The following HS3ST5 variants were observed in gnomAD, a reference collection of about 807,000 sequenced individuals.
HS3ST5 encodes heparan sulfate glucosamine 3-O-sulfotransferase 5.
HS3ST5 carries 10 observed loss-of-function variants against 25.4 expected under a neutral mutation model. That is an observed-to-expected ratio of 0.39 (90% CI 0.24 to 0.67). The LOEUF is 0.67. Ranked by LOEUF, HS3ST5 falls within the 30% of genes least tolerant of loss-of-function variation. The pLI, the probability that HS3ST5 is intolerant of heterozygous loss-of-function variation, is 0.44. For missense variants in HS3ST5, 324 were observed against 420.7 expected, an observed-to-expected ratio of 0.77 and a Z score of 2.01; for synonymous variants, 170 against 162.4, an observed-to-expected ratio of 1.05 and a Z score of -0.36.
At chr6:114,312,072 C>G (rs1185207397) in intron 1 of HS3ST5, among the ~76,000 whole-genome samples, 3 of 152,170 alleles carry the variant, frequency 2.0e-5, no homozygotes, top group African/African-American at 4.8e-5. Flanking sequence ...TTTCTTTCCT[C>G]TAGCTGAATT....
intron 3 of HS3ST5, among the ~76,000 whole-genome samples, chr6:114,088,441 T>G (rs1242442540): frequency 1.3e-5 from 2 of 151,740 alleles, no homozygotes; most frequent in Non-Finnish European, 2.9e-5. Context: ...TATCCTCTCC[T>G]CCAAGCTCAC....
intron 1 of HS3ST5, among the ~76,000 whole-genome samples, chr6:114,242,565 C>A (rs901947962): frequency 6.6e-6 from 1 of 152,164 alleles, no homozygotes; most frequent in African/African-American, 2.4e-5. Flanking sequence ...ATTATCCATG[C>A]CCACTGCTAT....
At chr6:114,258,775 A>T (rs1430747157) in intron 1 of HS3ST5, among the ~76,000 whole-genome samples, 7 of 152,086 alleles carry the variant, frequency 4.6e-5, no homozygotes, top group Non-Finnish European at 1.0e-4. Flanking sequence ...CCTGGTTTTG[A>T]TCTTCTAAGG....
intron 4 of HS3ST5, among the ~76,000 whole-genome samples, chr6:114,060,613 G>A (rs192019126): frequency 6.6e-6 from 1 of 152,268 alleles, no homozygotes; most frequent in Non-Finnish European, 1.5e-5. Flanking sequence ...TGGAAGAATT[G>A]AGGAAACAGT....
chr6:114,333,714 C>T (rs932138090), intron 1 of HS3ST5, among the ~76,000 whole-genome samples: 3 of 151,860 alleles, frequency 2.0e-5, no homozygotes, highest in Non-Finnish European at 2.9e-5. Flanking sequence ...GACACGATCT[C>T]GGATCACTGC....
At chr6:114,213,660 C>T (rs978655629) in intron 2 of HS3ST5, among the ~76,000 whole-genome samples, 3 of 152,138 alleles carry the variant, frequency 2.0e-5, no homozygotes, top group African/African-American at 7.2e-5. Flanking sequence ...AGATAAGGTA[C>T]AATCCCAGTT....
chr6:114,236,062 A>T (rs1771840667), intron 1 of HS3ST5, among the ~76,000 whole-genome samples: 1 of 152,120 alleles, frequency 6.6e-6, no homozygotes, highest in Admixed American at 6.5e-5. Context: ...CTGTACCCTA[A>T]ACTGTGGTAC....
At chr6:114,233,396 TG>T (rs1554220905) in intron 1 of HS3ST5, among the ~76,000 whole-genome samples, 1 of 152,138 alleles carries the variant, frequency 6.6e-6, no homozygotes, top group Non-Finnish European at 1.5e-5. Context: ...TCTCTCACAA[TG>T]GCTAGTTTAC....
At chr6:114,138,686 A>G (rs1428785407) in intron 3 of HS3ST5, among the ~76,000 whole-genome samples, 1 of 152,218 alleles carries the variant, frequency 6.6e-6, no homozygotes. Context: ...TATGGCAAAC[A>G]TTTCTTCAAG....
At chr6:114,087,994 G>A (rs1273892330) in intron 3 of HS3ST5, among the ~76,000 whole-genome samples, 1 of 152,138 alleles carries the variant, frequency 6.6e-6, no homozygotes, top group East Asian at 1.9e-4. Context: ...TGTACCAAAA[G>A]TGTTAAATGT....
At chr6:114,328,145 C>A (rs190978714) in intron 1 of HS3ST5, among the ~76,000 whole-genome samples, 15 of 150,578 alleles carry the variant, frequency 1.0e-4, no homozygotes, top group African/African-American at 3.7e-4. Context: ...ATCACATATA[C>A]TTTTTATGAT....
chr6:114,309,746 CA>C (rs1011469239), intron 1 of HS3ST5, among the ~76,000 whole-genome samples: 1 of 151,800 alleles, frequency 6.6e-6, no homozygotes, highest in Non-Finnish European at 1.5e-5. Flanking sequence ...TCAAAAACAA[CA>C]AAAAAGAAAA....
chr6:114,160,510 A>G (rs1278537491), intron 3 of HS3ST5, among the ~76,000 whole-genome samples: 1 of 152,118 alleles, frequency 6.6e-6, no homozygotes. Flanking sequence ...CAGAAGTATG[A>G]TTCTCCCTGG....
chr6:114,210,513 C>T (rs1380647317), intron 2 of HS3ST5, among the ~76,000 whole-genome samples: 3 of 152,178 alleles, frequency 2.0e-5, no homozygotes, highest in African/African-American at 7.2e-5. Context: ...AAATGGCTTA[C>T]TATGAACGCA....
intron 3 of HS3ST5, among the ~76,000 whole-genome samples, chr6:114,106,341 A>T (rs1356898969): frequency 6.6e-6 from 1 of 152,158 alleles, no homozygotes; most frequent in Non-Finnish European, 1.5e-5. Flanking sequence ...ATTAAGAAAT[A>T]CTATTAACAA....
intron 3 of HS3ST5, among the ~76,000 whole-genome samples, chr6:114,157,463 A>G (rs914267005): frequency 2.6e-5 from 4 of 151,984 alleles, no homozygotes; most frequent in African/African-American, 9.7e-5. Flanking sequence ...GTCAAATGGT[A>G]CAAAGTTTCA....
At chr6:114,081,089 G>C (rs1774427916) in intron 3 of HS3ST5, among the ~76,000 whole-genome samples, 1 of 152,140 alleles carries the variant, frequency 6.6e-6, no homozygotes, top group African/African-American at 2.4e-5. Flanking sequence ...AGAAAGACAA[G>C]AACAGCTGGT....
chr6:114,333,663 T>G (rs935528159), intron 1 of HS3ST5, among the ~76,000 whole-genome samples: 9 of 152,082 alleles, frequency 5.9e-5, no homozygotes, highest in African/African-American at 2.2e-4. Flanking sequence ...AATTTTTTTT[T>G]GATACAGAGT....
chr6:114,095,644 T>C (rs147309945), intron 3 of HS3ST5, among the ~76,000 whole-genome samples: 233 of 152,262 alleles, frequency 1.5e-3, no homozygotes, highest in African/African-American at 4.6e-3. Flanking sequence ...AGAGGCACTT[T>C]TGACAACTTT....
Sources: allele counts gnomAD v4.1 joint callset (sites outside exome capture counted in the v4.1 genomes callset), GRCh38; gene constraint gnomAD v4.1.1; transcripts MANE v1.5; gene names NCBI Gene and HGNC (gene_info 2026-07-23, HGNC 2026-07-21).